LMX1A: variants seen among roughly 807,000 people sequenced by gnomAD.
LMX1A encodes LIM homeobox transcription factor 1 alpha.
LMX1A carries 15 observed loss-of-function variants against 49.1 expected under a neutral mutation model. That is an observed-to-expected ratio of 0.31 (90% CI 0.20 to 0.47). LMX1A has a LOEUF of 0.47. Among genes scored for constraint, LMX1A ranks in the 20% least tolerant of loss-of-function variants. The pLI, the probability that LMX1A is intolerant of heterozygous loss-of-function variation, is 1.00. For missense variants in LMX1A, 372 were observed against 475.8 expected, an observed-to-expected ratio of 0.78 and a Z score of 2.03; for synonymous variants, 167 against 185.7, an observed-to-expected ratio of 0.90 and a Z score of 0.82.
chr1:165,300,353 C>A (rs1654744215), intron 3 of LMX1A, among the ~76,000 whole-genome samples: 1 of 152,176 alleles, frequency 6.6e-6, no homozygotes, highest in African/African-American at 2.4e-5. Context: ...TGGATTGGGG[C>A]AGCTTCCAAG....
intron 4 of LMX1A, among the ~76,000 whole-genome samples, chr1:165,223,956 G>A (rs763952657): frequency 9.2e-5 from 14 of 152,240 alleles, no homozygotes; most frequent in Non-Finnish European, 2.1e-4. Context: ...GCCTTGGCCA[G>A]TGATATGGTT....
intron 4 of LMX1A, among the ~76,000 whole-genome samples, chr1:165,219,789 G>A (rs1651771477): frequency 6.6e-6 from 1 of 152,192 alleles, no homozygotes; most frequent in Admixed American, 6.5e-5. Flanking sequence ...GCTAATGTGT[G>A]GAGCACTGCA....
chr1:165,348,719 T>C (rs1656325684), intron 3 of LMX1A, among the ~76,000 whole-genome samples: 1 of 151,020 alleles, frequency 6.6e-6, no homozygotes, highest in Non-Finnish European at 1.5e-5. Flanking sequence ...CCAAACTGAC[T>C]CCTCCTCACA....
intron 3 of LMX1A, among the ~76,000 whole-genome samples, chr1:165,319,676 T>G (rs4272600): frequency 0.87 from 132,847 of 152,102 alleles, 58,484 homozygotes; most frequent in East Asian, 0.94. Flanking sequence ...AAAATAGATG[T>G]TTATAAGACT....
intron 3 of LMX1A, among the ~76,000 whole-genome samples, chr1:165,269,814 G>A (rs1327320093): frequency 6.6e-6 from 1 of 152,202 alleles, no homozygotes; most frequent in Non-Finnish European, 1.5e-5. Context: ...AGCACCGCAT[G>A]TTCTCACTTA....
At chr1:165,216,744 A>C (rs1651657762) in intron 4 of LMX1A, among the ~76,000 whole-genome samples, 1 of 152,366 alleles carries the variant, frequency 6.6e-6, no homozygotes, top group South Asian at 2.1e-4. Context: ...AAAGTCTAAA[A>C]TAATGATAAT....
chr1:165,239,651 C>A (rs777499859), intron 4 of LMX1A, among the ~76,000 whole-genome samples: 1 of 152,192 alleles, frequency 6.6e-6, no homozygotes, highest in Non-Finnish European at 1.5e-5. Context: ...AAGGCTCAGG[C>A]AGTTCTAAGT....
At chr1:165,304,177 C>T (rs1279306285) in intron 3 of LMX1A, among the ~76,000 whole-genome samples, 3 of 152,044 alleles carry the variant, frequency 2.0e-5, no homozygotes, top group African/African-American at 7.2e-5. Context: ...CTCCAGGCCT[C>T]GGTTTCCTCA....
At position 165,204,010 on chromosome 1, in the gene LMX1A, C is replaced by T. The variant is rs1245026528; in HGVS notation, c.1019G>A (p.Ser340Asn). The T allele has an allele frequency of 1.2e-6, 2 of 1,614,110 alleles. No homozygotes were observed. Among genetic ancestry groups the T allele is most frequent in the Admixed American group, 1.7e-5 (1 of 60,018 alleles). The change falls in exon 9 of 9, where the codon AGC becomes AAC. Residue 340 changes from serine to asparagine, a missense_variant. Ser to Asn is a conservative substitution (Grantham distance 46). Around this residue, in one of 3 missense-constraint regions of LMX1A, gnomAD observed 127 missense variants for 138.0 expected, o/e 0.92. Coordinates refer to ENST00000342310, the MANE Select transcript of LMX1A (RefSeq NM_177398.4). The part of the protein sequence containing the change: ...GAEPLFHDLD[S>N]DDTSLSNLGD... ...CAGGTTACTGAGGGAGGTGTCGTCG[C>T]TATCCAGGTCATGGAAAAGGGGCTC...
intron 3 of LMX1A, among the ~76,000 whole-genome samples, chr1:165,331,714 C>T (rs939784753): frequency 6.6e-6 from 1 of 152,094 alleles, no homozygotes; most frequent in East Asian, 1.9e-4. Context: ...CCCAGGAGTT[C>T]GAGACCACCC....
intron 3 of LMX1A, among the ~76,000 whole-genome samples, chr1:165,260,069 A>G (rs186582293): frequency 7.2e-5 from 11 of 152,356 alleles, no homozygotes; most frequent in Admixed American, 5.9e-4. Context: ...CAAGAAACAT[A>G]AAACAGACAT....
intron 3 of LMX1A, 147 bp downstream of exon 3, chr1:165,352,929 A>G (rs534323772): frequency 6.1e-5 from 51 of 831,650 alleles, no homozygotes; most frequent in Admixed American, 9.6e-5. Context: ...GTGAGGGGCA[A>G]TGTACACGAC....
intron 3 of LMX1A, among the ~76,000 whole-genome samples, chr1:165,291,590 G>A (rs1231469672): frequency 6.6e-6 from 1 of 152,094 alleles, no homozygotes; most frequent in African/African-American, 2.4e-5. Context: ...AATGAGTTGG[G>A]GCAAGTACTG....
intron 3 of LMX1A, among the ~76,000 whole-genome samples, chr1:165,306,726 C>A (rs1047453198): frequency 2.0e-5 from 3 of 152,240 alleles, no homozygotes; most frequent in Admixed American, 1.3e-4. Flanking sequence ...CCCCAACAGC[C>A]TGTTGGTGGC....
At chr1:165,285,788 C>T (rs894082442) in intron 3 of LMX1A, among the ~76,000 whole-genome samples, 18 of 152,186 alleles carry the variant, frequency 1.2e-4, no homozygotes, top group Admixed American at 1.2e-3. Context: ...CTTTATTAGC[C>T]CAATGGACCC....
intron 5 of LMX1A, 113 bp downstream of exon 5, chr1:165,213,528 G>T: frequency 1.0e-6 from 1 of 992,496 alleles, no homozygotes; most frequent in Non-Finnish European, 1.5e-6. Context: ...GGCTCTGTCT[G>T]AACAGCCTTC....
chr1:165,337,859 T>C (rs1213149185), intron 3 of LMX1A, among the ~76,000 whole-genome samples: 1 of 147,118 alleles, frequency 6.8e-6, no homozygotes, highest in Non-Finnish European at 1.5e-5. Context: ...GTGGACAGAG[T>C]GTGTCTGTGC....
At chr1:165,309,436 C>T (rs539720810) in intron 3 of LMX1A, among the ~76,000 whole-genome samples, 34 of 152,306 alleles carry the variant, frequency 2.2e-4, no homozygotes, top group Non-Finnish European at 3.2e-4. Context: ...TGTTACCCTC[C>T]GCCAGAGACG....
At chr1:165,307,785 C>T (rs950064670) in intron 3 of LMX1A, among the ~76,000 whole-genome samples, 1 of 152,198 alleles carries the variant, frequency 6.6e-6, no homozygotes, top group African/African-American at 2.4e-5. Flanking sequence ...AGGAAAAGTA[C>T]AATGAGTTAT....
Sources: allele counts gnomAD v4.1 joint callset (sites outside exome capture counted in the v4.1 genomes callset), GRCh38; gene constraint gnomAD v4.1.1; regional missense constraint gnomAD v4.1.1; transcripts MANE v1.5; gene names NCBI Gene and HGNC (gene_info 2026-07-23, HGNC 2026-07-21).